GNAL: variants seen among roughly 807,000 people sequenced by gnomAD.
GNAL encodes G protein subunit alpha L.
In GNAL, 18 loss-of-function variants were observed where a neutral mutation model predicts 55.1. The ratio of observed to expected loss-of-function variants is 0.33; its 90% CI spans 0.23 to 0.48. The LOEUF is 0.48. Among genes scored for constraint, GNAL ranks in the 20% least tolerant of loss-of-function variants. GNAL has a pLI of 0.99. For missense variants in GNAL, 412 were observed against 614.1 expected (o/e 0.67, Z 3.48); for synonymous variants, 253 against 237.0 (o/e 1.07, Z -0.62).
chr18:11,717,982 C>CA (rs947385634), intron 1 of GNAL, among the ~76,000 whole-genome samples: 1 of 152,088 alleles, frequency 6.6e-6, no homozygotes, highest in African/African-American at 2.4e-5. Flanking sequence ...ACATGCTAAA[C>CA]AAGTCTACTA....
intron 1 of GNAL, among the ~76,000 whole-genome samples, chr18:11,730,608 A>G (rs577916033): frequency 6.6e-6 from 1 of 152,062 alleles, no homozygotes; most frequent in Non-Finnish European, 1.5e-5. Flanking sequence ...TACTAAAAAT[A>G]CAAAAATTAG....
intron 4 of GNAL, among the ~76,000 whole-genome samples, chr18:11,759,446 G>C (rs1418210090): frequency 6.6e-6 from 1 of 152,242 alleles, no homozygotes; most frequent in African/African-American, 2.4e-5. Context: ...TTACCACCTG[G>C]TGTTTCCTAA....
intron 1 of GNAL, among the ~76,000 whole-genome samples, chr18:11,742,748 G>A (rs745437806): frequency 6.6e-6 from 1 of 152,130 alleles, no homozygotes; most frequent in African/African-American, 2.4e-5. Flanking sequence ...CCTCAACACC[G>A]GCCTCGGATG....
chr18:11,871,273 CAG>C (rs961166978), intron 9 of GNAL, among the ~76,000 whole-genome samples: 1 of 143,738 alleles, frequency 7.0e-6, no homozygotes, highest in African/African-American at 2.6e-5. Context: ...TTTTTTGAGA[CAG>C]AGTCTCGCTC....
chr18:11,785,620 A>G (rs2034034595), intron 4 of GNAL, among the ~76,000 whole-genome samples: 3 of 152,146 alleles, frequency 2.0e-5, no homozygotes, highest in Admixed American at 6.5e-5. Context: ...TCTTTAGCTT[A>G]CAATTAATTA....
intron 5 of GNAL, among the ~76,000 whole-genome samples, chr18:11,837,866 C>T: frequency 6.6e-6 from 1 of 152,190 alleles, no homozygotes; most frequent in East Asian, 1.9e-4. Context: ...ACAGGCTGGG[C>T]ATGGTGGCTC....
chr18:11,759,504 G>A (rs2033169315), intron 4 of GNAL, among the ~76,000 whole-genome samples: 1 of 152,248 alleles, frequency 6.6e-6, no homozygotes, highest in South Asian at 2.1e-4. Context: ...CCTCCCAGGT[G>A]AGAGCTACTC....
intron 1 of GNAL, among the ~76,000 whole-genome samples, chr18:11,722,251 T>C (rs1050253690): frequency 6.6e-6 from 1 of 152,220 alleles, no homozygotes; most frequent in Non-Finnish European, 1.5e-5. Context: ...CAAATGATTT[T>C]TCCTGCTTGG....
chr18:11,864,086 CT>C (rs3981355), intron 6 of GNAL, among the ~76,000 whole-genome samples: 9,202 of 128,938 alleles, frequency 0.071, 267 homozygotes, highest in African/African-American at 0.13. Flanking sequence ...CGTCTGAGTT[CT>C]TTTTTTTTTT....
chr18:11,791,366 C>A (rs570089893), intron 4 of GNAL, among the ~76,000 whole-genome samples: 1 of 152,282 alleles, frequency 6.6e-6, no homozygotes, highest in East Asian at 1.9e-4. Flanking sequence ...GAACAGGCTC[C>A]CCTGTTGAGC....
At chr18:11,853,567 A>G (rs2035932567) in intron 5 of GNAL, 2 of 167,080 alleles carry the variant, frequency 1.2e-5, no homozygotes, top group Non-Finnish European at 2.9e-5. Flanking sequence ...GTTCTTTGAA[A>G]GATTCATAAC....
intron 4 of GNAL, among the ~76,000 whole-genome samples, chr18:11,762,099 G>A (rs1410628058): frequency 1.3e-5 from 2 of 152,204 alleles, no homozygotes; most frequent in Non-Finnish European, 2.9e-5. Context: ...CCCCAGCTGA[G>A]GACAGGGAGG....
At chr18:11,862,577 G>C (rs1305216447) in intron 6 of GNAL, 128 bp downstream of exon 6, 2 of 739,536 alleles carry the variant, frequency 2.7e-6, no homozygotes, top group Admixed American at 4.3e-5. Flanking sequence ...CAAATTGTTT[G>C]TACTGCCCTG....
intron 4 of GNAL, among the ~76,000 whole-genome samples, chr18:11,823,693 G>GA (rs1206032414): frequency 6.6e-6 from 1 of 152,176 alleles, no homozygotes. Context: ...TTGATTCCTA[G>GA]AAATGTGGCA....
At chr18:11,743,266 C>A (rs907103356) in intron 1 of GNAL, among the ~76,000 whole-genome samples, 1 of 149,140 alleles carries the variant, frequency 6.7e-6, no homozygotes, top group African/African-American at 2.5e-5. Flanking sequence ...GGGATTAACA[C>A]GTGGATGTCA....
At chr18:11,715,180 C>T (rs1320045691) in intron 1 of GNAL, among the ~76,000 whole-genome samples, 2 of 151,446 alleles carry the variant, frequency 1.3e-5, no homozygotes, top group African/African-American at 2.4e-5. Flanking sequence ...GATAACAAGG[C>T]CGGGCGCGGT....
At chr18:11,698,187 G>A (rs534879989) in intron 1 of GNAL, among the ~76,000 whole-genome samples, 5 of 152,166 alleles carry the variant, frequency 3.3e-5, no homozygotes, top group African/African-American at 4.8e-5. Flanking sequence ...TGTCACTTGG[G>A]AGCTCAGGGA....
intron 7 of GNAL, among the ~76,000 whole-genome samples, chr18:11,864,903 T>A (rs1435534366): frequency 2.6e-5 from 4 of 152,150 alleles, no homozygotes; most frequent in African/African-American, 9.7e-5. Context: ...AGATGCACAG[T>A]CACAGGTTGA....
At chr18:11,711,452 T>C (rs771042961) in intron 1 of GNAL, among the ~76,000 whole-genome samples, 20 of 152,206 alleles carry the variant, frequency 1.3e-4, no homozygotes, top group Non-Finnish European at 2.5e-4. Flanking sequence ...GACCTGTCTT[T>C]GAGTTTGTTG....
Sources: gnomAD v4.1 joint callset for allele counts (sites outside exome capture counted in the v4.1 genomes callset) on GRCh38, gnomAD v4.1.1 for gene constraint, MANE v1.5 for transcripts, NCBI Gene and HGNC (gene_info 2026-07-23, HGNC 2026-07-21) for gene names.